The following MON1A variants were observed in gnomAD, a reference collection of about 807,000 sequenced individuals.
MON1A encodes MON1 vesicular trafficking associated A.
Under a neutral mutation model 44.6 loss-of-function variants are expected in MON1A, and 29 were observed. The ratio of observed to expected loss-of-function variants is 0.65; its 90% CI spans 0.48 to 0.89. The LOEUF (loss-of-function observed/expected upper bound fraction) is 0.89, where lower values mean the gene tolerates loss of function less well. MON1A is among the 40% of genes least tolerant of loss of function. The pLI is 0.00. For synonymous variants in MON1A, 275 were observed against 316.4 expected (o/e 0.87, Z 1.39); for missense variants, 615 against 759.6 (o/e 0.81, Z 2.24).
At chr3:49,914,055 A>G (rs560558556) in intron 1 of MON1A, among the ~76,000 whole-genome samples, 18 of 150,076 alleles carry the variant, frequency 1.2e-4, no homozygotes, top group Non-Finnish European at 2.4e-4. Flanking sequence ...CCAGTAGCAC[A>G]TGCCACAGCC....
intron 1 of MON1A, 142 bp downstream of exon 1, chr3:49,929,467 G>A: frequency 1.0e-6 from 1 of 964,942 alleles, no homozygotes; most frequent in African/African-American, 1.7e-5. Flanking sequence ...CCGGCTGAGG[G>A]ACCGCAGGGA....
rs1278541732 is a variant in MON1A at position 49,911,690 on chromosome 3, G to A, written c.449C>T (p.Ala150Val). The stretch of plus-strand genomic sequence containing the variant: ...GACATGCTTCTGGTGCAGGCGCCAT[G>A]CCTCCGTGGCATCCTCCTCATCCCC... ...TEGDEEDATE[A>V]WRLHQKHVFV... Residue 150 changes from alanine (A) to valine (V), a missense_variant, in exon 3 of 6, where the codon GCA becomes GTA. Ala to Val is a moderately conservative substitution (Grantham distance 64, BLOSUM62 0). Coordinates refer to ENST00000296473, the MANE Select transcript of MON1A (RefSeq NM_032355.4). This position sits in a 1 kb window ranked among gnomAD's most constrained non-coding sequence, Gnocchi z 5.7. The A allele has an allele frequency of 6.2e-7, 1 of 1,614,004 alleles. No homozygotes were observed. Among genetic ancestry groups the A allele is most frequent in the Admixed American group, 1.7e-5 (1 of 60,000 alleles).
rs376186826 is a variant in MON1A at position 49,923,387 on chromosome 3, G to A, written c.-14+6222C>T. 1.6e-4 allele frequency among the ~76,000 whole-genome samples: 24 copies of A among 150,340 alleles called. No homozygotes were observed. The South Asian group carries it at 4.9e-3, about 31-fold the overall frequency. On this transcript the variant is annotated intron_variant, in intron 1 of 5. Transcript: ENST00000296473. Reference sequence around the variant, plus strand: ...GGAGGAAGGAAGGAAGGGGAAGGAGGGGAAGGAGGGAAAGGAAGGAAAGGA... The same window carrying A: ...GGAGGAAGGAAGGAAGGGGAAGGAGAGGAAGGAGGGAAAGGAAGGAAAGGA...
At chr3:49,918,500 C>T (rs2082968058) in intron 1 of MON1A, among the ~76,000 whole-genome samples, 1 of 151,850 alleles carries the variant, frequency 6.6e-6, no homozygotes, top group South Asian at 2.1e-4. Context: ...AAACCTCCAC[C>T]TCCCAGATTC....
intron 1 of MON1A, among the ~76,000 whole-genome samples, chr3:49,924,911 T>C (rs1364065435): frequency 1.3e-5 from 2 of 152,168 alleles, no homozygotes; most frequent in African/African-American, 4.8e-5. Context: ...GCAGATCATC[T>C]AGGCCCAGTC....
chr3:49,909,377 G>A lies in MON1A; in HGVS notation c.1403C>T (p.Thr468Ile). ...FTSPEIEAPYTSEEEQERLLG... is the reference protein window; with the variant it reads ...FTSPEIEAPYISEEEQERLLG... The stretch of plus-strand genomic sequence containing the variant: ...CAGCCGCTCCTGCTCCTCTTCACTG[G>A]TGTATGGGGCCTCAATCTCAGGGCT... Residue 468 changes from threonine to isoleucine, a missense_variant, in exon 5 of 6, where the codon ACC (threonine) becomes ATC (isoleucine). Physicochemically the swap from Thr to Ile is moderately conservative, Grantham distance 89 (BLOSUM62 -1). Coordinates refer to ENST00000296473, the MANE Select transcript of MON1A (RefSeq NM_032355.4). This position sits in a 1 kb window ranked among gnomAD's most constrained non-coding sequence, Gnocchi z 4.0. 1.9e-6 allele frequency: 3 copies of A among 1,614,078 alleles called. No homozygotes were observed. Among genetic ancestry groups the A allele is most frequent in the Non-Finnish European group, 2.5e-6 (3 of 1,179,980 alleles).
At chr3:49,915,267 C>T (rs977267759) in intron 1 of MON1A, among the ~76,000 whole-genome samples, 13 of 152,216 alleles carry the variant, frequency 8.5e-5, no homozygotes, top group African/African-American at 2.7e-4. Flanking sequence ...CAGTGGCTCA[C>T]TCCTGTAATC....
Position 49,909,840 on chromosome 3 carries a change from C to A in MON1A, c.1379+279G>T, listed in dbSNP as rs964711219. On this transcript the variant is annotated intron_variant, in intron 4 of 5. Coordinates refer to ENST00000296473, the MANE Select transcript of MON1A (RefSeq NM_032355.4). This position sits in a 1 kb window ranked among gnomAD's most constrained non-coding sequence, Gnocchi z 4.0. ...CAAAATGACCCCTAAAGTAGAGTTG[C>A]TCCAGGGCAAGGGACCCCGGAGACC... is the stretch of plus-strand genomic sequence containing the variant. 5.0e-6 allele frequency: 2 copies of A among 402,368 alleles called. No individual in the cohort carries two copies. Among genetic ancestry groups the A allele is most frequent in the African/African-American group, 4.0e-5 (2 of 50,340 alleles). 24.9% of individuals were successfully genotyped at this position (402,368 alleles called of 1,614,324 possible).
At position 49,908,909 on chromosome 3, in the gene MON1A, G is replaced by T; in HGVS notation, c.*105C>A. On this transcript the variant is annotated 3_prime_UTR_variant, in exon 6 of 6. Coordinates refer to ENST00000296473, the MANE Select transcript of MON1A (RefSeq NM_032355.4). Reference sequence around the variant, plus strand: ...ACTTTAATGCATTCACCAACCCACAGTCCCTGCCCGCTGGCTGGGCAAGAG... The same window carrying T: ...ACTTTAATGCATTCACCAACCCACATTCCCTGCCCGCTGGCTGGGCAAGAG... 1.5e-6 allele frequency: 2 copies of T among 1,369,000 alleles called. No individual in the cohort carries two copies. Among genetic ancestry groups the T allele is most frequent in the Non-Finnish European group, 2.0e-6 (2 of 1,009,030 alleles). The allele number at this position is 1,369,000 out of a possible 1,614,324, so 84.8% of individuals were successfully genotyped here.
Position 49,924,636 on chromosome 3 carries a change from C to T in MON1A, c.-14+4973G>A, listed in dbSNP as rs192774681. 541 of 183,494 alleles carry T rather than the reference C, an allele frequency of 2.9e-3. 11 individuals are homozygous for T. Among genetic ancestry groups the T allele is most frequent in the South Asian group, 0.018 (275 of 15,700 alleles). 11.4% of individuals were successfully genotyped at this position (183,494 alleles called of 1,614,324 possible). ...GGCAGAGGTTGCAGTGAGCTGAGATCGCACTGCTGCACTCCAGCTTGGGTG... is the reference window on the plus strand; with the variant it reads ...GGCAGAGGTTGCAGTGAGCTGAGATTGCACTGCTGCACTCCAGCTTGGGTG... On this transcript the variant is annotated intron_variant, in intron 1 of 5. Coordinates refer to ENST00000296473, the MANE Select transcript of MON1A (RefSeq NM_032355.4).
Position 49,911,493 on chromosome 3 carries a change from G to C in MON1A, c.613+33C>G, listed in dbSNP as rs140392271. ...TGCTATGAATGAACCTTGGCCAGGG[G>C]AGCCCGCCCCATTCCCTCTCCAGGT... On this transcript the variant is annotated intron_variant, in intron 3 of 5. Coordinates refer to ENST00000296473, the MANE Select transcript of MON1A (RefSeq NM_032355.4). The surrounding 1 kb of genome is among the most constrained non-coding windows in gnomAD (Gnocchi z 5.7). 4.4e-5 allele frequency: 69 copies of C among 1,576,784 alleles called. No homozygotes were observed. The East Asian group carries it at 1.5e-3, about 35-fold the overall frequency.
At position 49,918,514 on chromosome 3, in the gene MON1A, C is replaced by T. The variant is rs529234582; in HGVS notation, c.-13-5155G>A. 3.5e-4 allele frequency among the ~76,000 whole-genome samples: 53 copies of T among 151,750 alleles called. No individual in the cohort carries two copies. In the South Asian group the frequency reaches 1.0e-2, roughly 29 times the overall value. Reference sequence around the variant, plus strand: ...AAAACCTCCACCTCCCAGATTCAAGCGATTCTCCTGCCTCAGCCTCCCAGG... The same window carrying T: ...AAAACCTCCACCTCCCAGATTCAAGTGATTCTCCTGCCTCAGCCTCCCAGG... On this transcript the variant is annotated intron_variant, in intron 1 of 5. Coordinates refer to ENST00000296473, the MANE Select transcript of MON1A (RefSeq NM_032355.4).
At chr3:49,929,547 A>G in intron 1 of MON1A, 62 bp downstream of exon 1, 2 of 1,539,948 alleles carry the variant, frequency 1.3e-6, no homozygotes, top group Non-Finnish European at 1.8e-6. Flanking sequence ...CCCTCCCTCC[A>G]AAGATGACAG....
At chr3:49,914,167 C>T (rs982314857) in intron 1 of MON1A, among the ~76,000 whole-genome samples, 9 of 151,034 alleles carry the variant, frequency 6.0e-5, no homozygotes, top group Middle Eastern at 3.2e-3. Context: ...CTCGGCTCAC[C>T]GCAACCTCCA....
intron 1 of MON1A, among the ~76,000 whole-genome samples, chr3:49,921,010 G>A (rs1271510175): frequency 6.6e-6 from 1 of 151,908 alleles, no homozygotes; most frequent in Non-Finnish European, 1.5e-5. Flanking sequence ...ACAAAAATTA[G>A]CCAGGCGTGG....
At position 49,909,356 on chromosome 3, in the gene MON1A, C is replaced by A. The variant is rs552218108; in HGVS notation, c.1424G>T (p.Arg475Leu). 1.9e-6 allele frequency: 3 copies of A among 1,614,082 alleles called. No homozygotes were observed. Among genetic ancestry groups the A allele is most frequent in the Non-Finnish European group, 2.5e-6 (3 of 1,179,994 alleles). ...APYTSEEEQE[R>L]LLGLYQYLHS... ...CAAGTACTGGTAGAGGCCCAGCAGC[C>A]GCTCCTGCTCCTCTTCACTGGTGTA... The change falls in exon 5 of 6, where the codon CGG becomes CTG. Residue 475 changes from arginine (R) to leucine (L), a missense_variant. Coordinates refer to ENST00000296473, the MANE Select transcript of MON1A (RefSeq NM_032355.4). The surrounding 1 kb of genome is among the most constrained non-coding windows in gnomAD (Gnocchi z 4.0).
rs112513448 is a variant in MON1A, at chr3:49,929,805, G to A, written c.-210C>T. On this transcript the variant is annotated 5_prime_UTR_variant, in exon 1 of 6. Coordinates refer to ENST00000296473, the MANE Select transcript of MON1A (RefSeq NM_032355.4). Reference sequence around the variant, plus strand: ...CCGCCCTCACCCGGCCGCCGGTGCAGGAAGATAGCTTTCGCCGGCCTCTCG... The same window carrying A: ...CCGCCCTCACCCGGCCGCCGGTGCAAGAAGATAGCTTTCGCCGGCCTCTCG... 6.0e-4 allele frequency: 929 copies of A among 1,547,366 alleles called. 9 individuals are homozygous for A. The African/African-American group carries it at 0.012, about 20-fold the overall frequency.
At chr3:49,927,337 G>A (rs1248509963) in intron 1 of MON1A, among the ~76,000 whole-genome samples, 1 of 152,130 alleles carries the variant, frequency 6.6e-6, no homozygotes, top group Admixed American at 6.6e-5. Flanking sequence ...CTTGGGTTGT[G>A]GGAAGATTAA....
chr3:49,918,110 G>A (rs1407871705), intron 1 of MON1A, among the ~76,000 whole-genome samples: 1 of 152,056 alleles, frequency 6.6e-6, no homozygotes, highest in Non-Finnish European at 1.5e-5. Flanking sequence ...GCCAAAGTGG[G>A]TGGATCACCT....
Sources: gnomAD v4.1 joint callset for allele counts (sites outside exome capture counted in the v4.1 genomes callset) on GRCh38, gnomAD v4.1.1 for gene constraint, Gnocchi (gnomAD v3.1) non-coding constraint, MANE v1.5 for transcripts, NCBI Gene and HGNC (gene_info 2026-07-23, HGNC 2026-07-21) for gene names.